The following PTPN13 variants were observed in gnomAD, a reference collection of about 807,000 sequenced individuals.
PTPN13 encodes the protein protein tyrosine phosphatase non-receptor type 13, also known as tyrosine-protein phosphatase non-receptor type 13.
PTPN13 carries 191 observed loss-of-function variants against 284.0 expected under a neutral mutation model. The observed-to-expected ratio is 0.67, with a 90% CI of 0.60 to 0.76. The LOEUF is 0.76. Among genes scored for constraint, PTPN13 ranks in the 30% least tolerant of loss-of-function variants. The probability of loss-of-function intolerance (pLI) is 0.00; values close to 1 mark genes in which losing one functional copy is unlikely to be tolerated. For synonymous variants in PTPN13, 986 were observed against 1,022.3 expected, an observed-to-expected ratio of 0.96 and a Z score of 0.68; for missense variants, 2,797 against 2,939.9, an observed-to-expected ratio of 0.95 and a Z score of 1.12.
chr4:86,743,422 AGTT>A (rs1443443929), intron 16 of PTPN13, among the ~76,000 whole-genome samples: 3 of 151,996 alleles, frequency 2.0e-5, no homozygotes, highest in Admixed American at 1.3e-4. Context: ...ACAACTATGG[AGTT>A]CAGTGTCTTT....
At chr4:86,629,251 GA>G (rs1210949528) in intron 1 of PTPN13, among the ~76,000 whole-genome samples, 1 of 146,380 alleles carries the variant, frequency 6.8e-6, no homozygotes, top group African/African-American at 2.5e-5. Context: ...AAATTTACAA[GA>G]AAAAAACAAA....
intron 31 of PTPN13, 112 bp downstream of exon 31, chr4:86,771,647 T>A (rs1005889739): frequency 8.4e-7 from 1 of 1,189,690 alleles, no homozygotes; most frequent in African/African-American, 1.5e-5. Flanking sequence ...ACCTTCACAG[T>A]GGTTAGGCAG....
intron 2 of PTPN13, among the ~76,000 whole-genome samples, chr4:86,667,817 G>A (rs960233301): frequency 3.3e-5 from 5 of 152,094 alleles, no homozygotes; most frequent in African/African-American, 9.7e-5. Context: ...TGTCATTGTT[G>A]TTCTAAGTCT....
intron 40 of PTPN13, among the ~76,000 whole-genome samples, chr4:86,792,406 A>G (rs1419699051): frequency 1.3e-5 from 2 of 152,226 alleles, no homozygotes; most frequent in Non-Finnish European, 2.9e-5. Flanking sequence ...AAGGACAGGC[A>G]GAATGGAACC....
chr4:86,743,180 A>G (rs537237871), intron 16 of PTPN13, among the ~76,000 whole-genome samples: 48 of 152,164 alleles, frequency 3.2e-4, no homozygotes, highest in Non-Finnish European at 6.5e-4. Flanking sequence ...GAGAGAATCA[A>G]ATATTCTTTG....
intron 1 of PTPN13, among the ~76,000 whole-genome samples, chr4:86,602,640 T>C (rs1406670968): frequency 2.6e-5 from 4 of 152,054 alleles, no homozygotes; most frequent in African/African-American, 4.8e-5. Context: ...ACACACTTAC[T>C]AGAACTTGTG....
chr4:86,782,318 G>A lies in PTPN13; in HGVS notation c.6024+56G>A. ...TACCTCCTTATCTGAGGAACTGCAT[G>A]TTTGTGTTTTGAACCAAACTGATTT... is the stretch of plus-strand genomic sequence containing the variant. On this transcript the variant is annotated intron_variant, in intron 37 of 47. Transcript: ENST00000411767. 2.1e-6 allele frequency: 3 copies of A among 1,449,410 alleles called. No individual in the cohort carries two copies. The South Asian group carries it at 3.5e-5, about 17-fold the overall frequency. The allele number at this position is 1,449,410 out of a possible 1,614,324, so 89.8% of individuals were successfully genotyped here. A position where few individuals can be genotyped will look rare whatever the true frequency, so the allele number is the denominator to read the frequency against.
chr4:86,661,710 A>G lies in PTPN13; in HGVS notation c.116-10655A>G, dbSNP rs555932804. Among the ~76,000 whole-genome samples, 6 of 152,328 alleles carry G rather than the reference A, an allele frequency of 3.9e-5. No individual in the cohort carries two copies. The East Asian group carries it at 1.2e-3, about 29-fold the overall frequency. ...AAAGCCAGTTCCGCTCTGCAAAGAT[A>G]TATGTATTTTCCTCTGGAAGCTAAA... On this transcript the variant is annotated intron_variant, in intron 2 of 47. Coordinates refer to ENST00000411767, the MANE Select transcript of PTPN13 (RefSeq NM_080683.3).
At chr4:86,722,463 C>G in intron 10 of PTPN13, 29 bp downstream of exon 10, 2 of 1,562,150 alleles carry the variant, frequency 1.3e-6, no homozygotes, top group East Asian at 2.2e-5. Context: ...TACTACACAT[C>G]TAAACCTGCT....
intron 40 of PTPN13, among the ~76,000 whole-genome samples, chr4:86,788,361 A>G (rs1191346476): frequency 6.6e-6 from 1 of 152,198 alleles, no homozygotes; most frequent in Non-Finnish European, 1.5e-5. Flanking sequence ...ACTTCTGACA[A>G]TAATCTTTTG....
chr4:86,612,429 C>A (rs1578250418), intron 1 of PTPN13, among the ~76,000 whole-genome samples: 1 of 152,266 alleles, frequency 6.6e-6, no homozygotes. Context: ...AATATCTGAG[C>A]TGTGGGAACT....
At chr4:86,712,348 G>T (rs17012018) in intron 7 of PTPN13, among the ~76,000 whole-genome samples, 5,915 of 150,854 alleles carry the variant, frequency 0.039, 171 homozygotes, top group Non-Finnish European at 0.05. Context: ...TTTATGTGCA[G>T]GTCATCTCAG....
At chr4:86,607,392 A>G (rs1427816597) in intron 1 of PTPN13, among the ~76,000 whole-genome samples, 1 of 151,998 alleles carries the variant, frequency 6.6e-6, no homozygotes. Context: ...AATGACTCCA[A>G]TGATAAGGTA....
Position 86,687,642 on chromosome 4 carries a change from T to C in PTPN13, c.360+867T>C, listed in dbSNP as rs1729591685. Among the ~76,000 whole-genome samples the C allele has an allele frequency of 2.6e-5, 4 of 152,112 alleles. No homozygotes were observed. The South Asian group carries it at 8.3e-4, about 31-fold the overall frequency. On this transcript the variant is annotated intron_variant, in intron 4 of 47. Transcript: ENST00000411767. ...CTTTGTTTGGTTTTATTTTATATCA[T>C]GAAAAATAATGTATATTTTCTTTTT...
chr4:86,595,017 A>G (rs1763482997), intron 1 of PTPN13, among the ~76,000 whole-genome samples: 1 of 152,010 alleles, frequency 6.6e-6, no homozygotes, highest in Non-Finnish European at 1.5e-5. Flanking sequence ...ATGAAACTCC[A>G]TTGCTAATTA....
intron 35 of PTPN13, among the ~76,000 whole-genome samples, chr4:86,779,342 G>A (rs941002261): frequency 6.6e-6 from 1 of 151,492 alleles, no homozygotes; most frequent in Non-Finnish European, 1.5e-5. Context: ...GCGTGAACCC[G>A]GGAGGTGGAG....
intron 6 of PTPN13, among the ~76,000 whole-genome samples, chr4:86,695,325 T>C (rs1244118104): frequency 6.6e-6 from 1 of 152,108 alleles, no homozygotes; most frequent in East Asian, 1.9e-4. Flanking sequence ...CTTGCAAATA[T>C]TTCCTTCCTA....
At chr4:86,810,659 A>G (rs562946166) in intron 46 of PTPN13, among the ~76,000 whole-genome samples, 1 of 152,282 alleles carries the variant, frequency 6.6e-6, no homozygotes, top group African/African-American at 2.4e-5. Context: ...CTCATTTCCA[A>G]CTGTTCAATG....
In PTPN13 at chr4:86,782,211, T is replaced by G; in HGVS notation, c.5973T>G (p.Ser1991Arg). 6.2e-7 allele frequency: 1 copy of G among 1,606,766 alleles called. No homozygotes were observed. The highest frequency in any genetic ancestry group is 8.5e-7 in the Non-Finnish European group (1 of 1,173,354). Residue 1991 changes from serine to arginine, a missense_variant, in exon 37 of 48, where the codon AGT becomes AGG. By Grantham distance (110) the Ser-to-Arg change is moderately radical. Coordinates refer to ENST00000411767, the MANE Select transcript of PTPN13 (RefSeq NM_080683.3). ...ATATTGTCCTTTCAGGTTCCTACAG[T>G]GTGGGGTCTTGCAGCCAGCCTGCCC... ...PKSTKGNGSY[S>R]VGSCSQPALT...
Sources: gnomAD v4.1 joint callset for allele counts (sites outside exome capture counted in the v4.1 genomes callset) on GRCh38, gnomAD v4.1.1 for gene constraint, MANE v1.5 for transcripts, NCBI Gene and HGNC (gene_info 2026-07-23, HGNC 2026-07-21) for gene names.